The following DCUN1D1 variants were observed in gnomAD, a reference collection of about 807,000 sequenced individuals.
DCUN1D1 encodes DCN1-like protein 1.
In DCUN1D1, 3 loss-of-function variants were observed where a neutral mutation model predicts 39.0. That is an observed-to-expected ratio of 0.08 (90% confidence interval 0.04 to 0.20). The LOEUF is 0.20. Ranked by LOEUF, DCUN1D1 falls within the 10% of genes least tolerant of loss-of-function variation. The pLI, the probability that DCUN1D1 is intolerant of heterozygous loss-of-function variation, is 1.00. For synonymous variants in DCUN1D1, 82 were observed against 96.3 expected (o/e 0.85, Z 0.87); for missense variants, 158 against 302.4 (o/e 0.52, Z 3.54).
At position 182,980,519 on chromosome 3, in the gene DCUN1D1, C is replaced by T. The variant is rs769819189; in HGVS notation, c.-30G>A. On this transcript the variant is annotated 5_prime_UTR_variant, in exon 1 of 7. Coordinates refer to ENST00000292782, the MANE Select transcript of DCUN1D1 (RefSeq NM_020640.4). Reference sequence around the variant, plus strand: ...GTGTCCTCCAGGCCTCTCCCCTCCTCCTCCGGCTCCGCAGCGAATGGACGG... The same window carrying T: ...GTGTCCTCCAGGCCTCTCCCCTCCTTCTCCGGCTCCGCAGCGAATGGACGG... The T allele has an allele frequency of 1.3e-5, 16 of 1,236,558 alleles. No individual in the cohort carries two copies. Among genetic ancestry groups the T allele is most frequent in the Admixed American group, 8.7e-5 (3 of 34,522 alleles). The allele number at this position is 1,236,558 out of a possible 1,614,324, so 76.6% of individuals were successfully genotyped here.
At chr3:182,962,287 A>T (rs768763001) in intron 3 of DCUN1D1, among the ~76,000 whole-genome samples, 36 of 152,232 alleles carry the variant, frequency 2.4e-4, no homozygotes, top group Non-Finnish European at 4.1e-4. Flanking sequence ...TCTCAGCTTT[A>T]AACCTATCCT....
chr3:182,946,159 G>A (rs989697706), intron 6 of DCUN1D1, among the ~76,000 whole-genome samples: 3 of 152,164 alleles, frequency 2.0e-5, no homozygotes, highest in Non-Finnish European at 2.9e-5. Flanking sequence ...CCTAGTAGTG[G>A]ATGGTAGCAC....
chr3:182,949,786 T>C (rs1167806215), intron 4 of DCUN1D1, among the ~76,000 whole-genome samples: 10 of 152,168 alleles, frequency 6.6e-5, no homozygotes, highest in African/African-American at 2.4e-4. Flanking sequence ...ACACAGTAGC[T>C]GGAAACCTGC....
chr3:182,964,172 A>G (rs1012172164), intron 2 of DCUN1D1, 123 bp from the exon 3 acceptor site: 7 of 687,766 alleles, frequency 1.0e-5, no homozygotes, highest in Non-Finnish European at 1.4e-5. Flanking sequence ...GCATGAAACG[A>G]TATTACTCTA....
intron 4 of DCUN1D1, among the ~76,000 whole-genome samples, chr3:182,952,585 T>C (rs890607114): frequency 1.3e-5 from 2 of 152,102 alleles, no homozygotes; most frequent in Admixed American, 6.6e-5. Context: ...CCACCCACTA[T>C]AGTATTTCTC....
chr3:182,948,257 A>G (rs1284196377), intron 4 of DCUN1D1, among the ~76,000 whole-genome samples: 1 of 152,260 alleles, frequency 6.6e-6, no homozygotes, highest in Non-Finnish European at 1.5e-5. Context: ...GACCACAAAG[A>G]GATCATTAAA....
rs1726327194 is a variant in DCUN1D1, at chr3:182,945,133, T to C, written c.741A>G (p.Ala247=). Residue 247 remains alanine, a synonymous_variant, in exon 7 of 7, where the codon GCA becomes GCG. Transcript: ENST00000292782. The part of the protein sequence containing the change: ...PVLIDDFVEF[A]RPQIAGTKST... Reference sequence around the variant, plus strand: ...TTTTTGTCCCAGCAATTTGAGGGCGTGCAAATTCCACAAAGTCATCAATAA... The same window carrying C: ...TTTTTGTCCCAGCAATTTGAGGGCGCGCAAATTCCACAAAGTCATCAATAA... The C allele has an allele frequency of 1.2e-6, 2 of 1,613,044 alleles. No individual in the cohort carries two copies. Among genetic ancestry groups the C allele is most frequent in the Non-Finnish European group, 1.7e-6 (2 of 1,179,792 alleles).
intron 4 of DCUN1D1, among the ~76,000 whole-genome samples, chr3:182,949,511 G>A (rs1726595364): frequency 6.6e-6 from 1 of 152,144 alleles, no homozygotes; most frequent in Non-Finnish European, 1.5e-5. Context: ...CTTGAGATCA[G>A]GAGTTCAAGA....
rs1161740999 is a variant in DCUN1D1, at chr3:182,944,367, G to T, written c.*727C>A. ...GACATTTTCTAAATAAAAGCTCCCT[G>T]TAGGACAGCTATATATAAACATGGG... On this transcript the variant is annotated 3_prime_UTR_variant, in exon 7 of 7. Transcript: ENST00000292782. The T allele has an allele frequency of 2.0e-5, 3 of 152,560 alleles. No individual in the cohort carries two copies. Among genetic ancestry groups the T allele is most frequent in the Non-Finnish European group, 4.4e-5 (3 of 68,012 alleles). 9.5% of individuals were successfully genotyped at this position (152,560 alleles called of 1,614,324 possible).
chr3:182,952,550 T>C (rs1726809029), intron 4 of DCUN1D1, among the ~76,000 whole-genome samples: 2 of 152,170 alleles, frequency 1.3e-5, no homozygotes, highest in Admixed American at 6.5e-5. Flanking sequence ...CTTACCTCTA[T>C]AGACCTGCTC....
chr3:182,976,270 CA>C (rs1276743194), intron 1 of DCUN1D1, among the ~76,000 whole-genome samples: 1 of 149,924 alleles, frequency 6.7e-6, no homozygotes, highest in Non-Finnish European at 1.5e-5. Flanking sequence ...CACTATGGAA[CA>C]AAAAAAAACA....
intron 1 of DCUN1D1, among the ~76,000 whole-genome samples, chr3:182,975,431 C>A (rs1240257924): frequency 2.0e-5 from 3 of 151,810 alleles, no homozygotes; most frequent in Non-Finnish European, 4.4e-5. Context: ...CCGCCTCAGC[C>A]CCCCGAAGTA....
chr3:182,956,147 C>T (rs1030998379), intron 4 of DCUN1D1: 8 of 210,300 alleles, frequency 3.8e-5, no homozygotes, highest in Admixed American at 1.8e-4. Context: ...AGGCCGGTCT[C>T]GAACGCCTGA....
At chr3:182,975,692 AAAAAAC>A (rs1453015365) in intron 1 of DCUN1D1, among the ~76,000 whole-genome samples, 10 of 150,720 alleles carry the variant, frequency 6.6e-5, no homozygotes, top group African/African-American at 2.0e-4. Context: ...TAAAAAAAAA[AAAAAAC>A]AAAAACAAAA....
Position 182,961,375 on chromosome 3 carries a change from T to A in DCUN1D1, c.390-19A>T. On this transcript the variant is annotated intron_variant, in intron 3 of 6. Transcript: ENST00000292782. ...GTCACATCTGCGTCGTAAAATTAAG[T>A]TTATAAAAGATTAACTGTTTCACTA... 1 of 1,568,732 alleles carries A rather than the reference T, an allele frequency of 6.4e-7. No homozygotes were observed.
At chr3:182,976,727 T>C (rs1728258696) in intron 1 of DCUN1D1, among the ~76,000 whole-genome samples, 1 of 152,196 alleles carries the variant, frequency 6.6e-6, no homozygotes, top group South Asian at 2.1e-4. Flanking sequence ...ATTATTTATG[T>C]CTCCCTACTA....
upstream of DCUN1D1, chr3:182,981,062 C>G (rs1728529503): frequency 6.6e-6 from 1 of 152,288 alleles, no homozygotes; most frequent in South Asian, 2.1e-4. Context: ...CCCCCAATCT[C>G]AGTATCAGAC....
Position 182,943,114 on chromosome 3 carries a change from G to GAAAAA in DCUN1D1, c.*1975_*1979dup, listed in dbSNP as rs57297234. The stretch of plus-strand genomic sequence containing the variant: ...ACTTTTAAAGAAAACACTTTATATT[G>GAAAAA]AAAAAAAAAAAAAAAAAAAAAAGCT... On this transcript the variant is annotated 3_prime_UTR_variant, in exon 7 of 7. Coordinates refer to ENST00000292782, the MANE Select transcript of DCUN1D1 (RefSeq NM_020640.4). 3.7e-5 allele frequency: 2 copies of GAAAAA among 54,404 alleles called. No individual in the cohort carries two copies. Among genetic ancestry groups the GAAAAA allele is most frequent in the Non-Finnish European group, 7.7e-5 (2 of 26,000 alleles). The allele number at this position is 54,404 out of a possible 1,614,324, so 3.4% of individuals were successfully genotyped here. A position where few individuals can be genotyped will look rare whatever the true frequency, so the allele number is the denominator to read the frequency against.
chr3:182,949,803 G>A (rs1442127474), intron 4 of DCUN1D1, among the ~76,000 whole-genome samples: 2 of 152,136 alleles, frequency 1.3e-5, no homozygotes, highest in African/African-American at 4.8e-5. Flanking sequence ...CTGCAAGACT[G>A]ACCCTTAACT....
Sources: gnomAD v4.1 joint callset for allele counts (sites outside exome capture counted in the v4.1 genomes callset) on GRCh38, gnomAD v4.1.1 for gene constraint, MANE v1.5 for transcripts, NCBI Gene and HGNC (gene_info 2026-07-23, HGNC 2026-07-21) for gene names.